ROCK2: variants seen among roughly 807,000 people sequenced by gnomAD.
ROCK2 encodes Rho associated coiled-coil containing protein kinase 2, also known as rho-associated protein kinase 2.
In ROCK2, 61 loss-of-function variants were observed where a neutral mutation model predicts 195.1. That is an observed-to-expected ratio of 0.31 (90% CI 0.25 to 0.39). ROCK2 has a LOEUF of 0.39. Ranked by LOEUF, ROCK2 falls within the 10% of genes least tolerant of loss-of-function variation. The probability of loss-of-function intolerance (pLI) is 1.00; values close to 1 mark genes in which losing one functional copy is unlikely to be tolerated. For synonymous variants in ROCK2, 504 were observed against 545.5 expected (o/e 0.92, Z 1.06); for missense variants, 1,109 against 1,637.4 (o/e 0.68, Z 5.57).
At position 11,201,989 on chromosome 2, in the gene ROCK2, T is replaced by A; in HGVS notation, c.2619+63A>T. The A allele has an allele frequency of 8.3e-7, 1 of 1,211,942 alleles. No homozygotes were observed. The highest frequency in any genetic ancestry group is 1.2e-6 in the Non-Finnish European group (1 of 814,852). 75.1% of individuals were successfully genotyped at this position (1,211,942 alleles called of 1,614,324 possible). A position where few individuals can be genotyped will look rare whatever the true frequency, so the allele number is the denominator to read the frequency against. ...CTCTTTTTATATGAGTTGTATGGTATAAATAAAATATCCCAACCAAAACTC... is the reference window on the plus strand; with the variant it reads ...CTCTTTTTATATGAGTTGTATGGTAAAAATAAAATATCCCAACCAAAACTC... On this transcript the variant is annotated intron_variant, in intron 21 of 32. Coordinates refer to ENST00000315872, the MANE Select transcript of ROCK2 (RefSeq NM_004850.5). This position sits in a 1 kb window ranked among gnomAD's most constrained non-coding sequence, Gnocchi z 4.6.
In ROCK2 at chr2:11,186,674, T is replaced by TC. The variant is rs139358132; in HGVS notation, c.4164-3235dup. On this transcript the variant is annotated intron_variant, in intron 32 of 32. Coordinates refer to ENST00000315872, the MANE Select transcript of ROCK2 (RefSeq NM_004850.5). ...TTTTCAGTTGGGTTCAGACTTTCTC[T>TC]CTAGTGTCACATCATCTTTTACCAC... Among the ~76,000 whole-genome samples the TC allele has an allele frequency of 8.9e-3, 1,358 of 152,272 alleles. 16 individuals carry two copies. The highest frequency in any genetic ancestry group is 0.031 in the African/African-American group (1,282 of 41,546).
chr2:11,217,219 A>AAAAC, intron 11 of ROCK2, 50 bp from the exon 12 acceptor site: 1 of 890,740 alleles, frequency 1.1e-6, no homozygotes, highest in South Asian at 1.4e-5. Context: ...ATATTTAAAG[A>AAAAC]TGAGAGGCTT....
chr2:11,232,219 C>G (rs757993263), intron 5 of ROCK2, among the ~76,000 whole-genome samples: 3 of 152,030 alleles, frequency 2.0e-5, no homozygotes, highest in Non-Finnish European at 2.9e-5. Context: ...ACTTCCACCC[C>G]CTGGGTTCAA....
chr2:11,271,546 G>A (rs567879658), intron 3 of ROCK2, among the ~76,000 whole-genome samples: 4 of 152,272 alleles, frequency 2.6e-5, no homozygotes, highest in Admixed American at 6.5e-5. Context: ...TTTGGATCCC[G>A]GAAGCACTGT....
At chr2:11,331,042 G>GGA (rs1553320148) in intron 1 of ROCK2, among the ~76,000 whole-genome samples, 2 of 130,418 alleles carry the variant, frequency 1.5e-5, no homozygotes, top group East Asian at 2.6e-4. Context: ...GGGAGGAGGA[G>GGA]GGAGGAGGAG....
chr2:11,254,251 T>C (rs1193309135), intron 3 of ROCK2, among the ~76,000 whole-genome samples: 1 of 152,150 alleles, frequency 6.6e-6, no homozygotes, highest in East Asian at 1.9e-4. Flanking sequence ...AAGACTGTAA[T>C]TCCTGAGAGA....
chr2:11,279,729 A>G (rs538996406), intron 3 of ROCK2, among the ~76,000 whole-genome samples: 1 of 152,312 alleles, frequency 6.6e-6, no homozygotes, highest in East Asian at 1.9e-4. Context: ...AGCAGAATAC[A>G]CATTTTTCTC....
chr2:11,330,721 G>T, intron 1 of ROCK2, among the ~76,000 whole-genome samples: 1 of 137,392 alleles, frequency 7.3e-6, no homozygotes, highest in Non-Finnish European at 1.6e-5. Flanking sequence ...GGAAGACAAG[G>T]GAGGAGGGAA....
At chr2:11,292,981 G>C (rs1009321077) in intron 1 of ROCK2, among the ~76,000 whole-genome samples, 1 of 152,124 alleles carries the variant, frequency 6.6e-6, no homozygotes, top group Non-Finnish European at 1.5e-5. Flanking sequence ...AGATATGCCT[G>C]CTTCCCTTTG....
intron 3 of ROCK2, among the ~76,000 whole-genome samples, chr2:11,276,969 AAT>A (rs1372386113): frequency 6.6e-6 from 1 of 152,124 alleles, no homozygotes; most frequent in African/African-American, 2.4e-5. Context: ...TGTTTTTATT[AAT>A]AGACTTTATT....
intron 1 of ROCK2, among the ~76,000 whole-genome samples, chr2:11,293,659 GT>G (rs1345746956): frequency 1.3e-5 from 2 of 152,064 alleles, no homozygotes; most frequent in African/African-American, 4.8e-5. Context: ...AAAATTTTGA[GT>G]TTGATATTCT....
intron 4 of ROCK2, among the ~76,000 whole-genome samples, chr2:11,247,976 C>T (rs1271865315): frequency 6.6e-6 from 1 of 151,678 alleles, no homozygotes; most frequent in Non-Finnish European, 1.5e-5. Flanking sequence ...GAGCGAAGAT[C>T]ACGCCACTGA....
At chr2:11,234,215 A>G (rs764622322) in intron 5 of ROCK2, 1 of 152,134 alleles carries the variant, frequency 6.6e-6, no homozygotes, top group Non-Finnish European at 1.5e-5. Context: ...TGCTTATACA[A>G]TTATTCTGTA....
chr2:11,210,132 T>C (rs1664196605), intron 18 of ROCK2, among the ~76,000 whole-genome samples: 1 of 152,212 alleles, frequency 6.6e-6, no homozygotes, highest in African/African-American at 2.4e-5. Context: ...GTGTAAAATA[T>C]GGAAGTCATC....
intron 3 of ROCK2, among the ~76,000 whole-genome samples, chr2:11,281,915 A>G (rs1041458475): frequency 6.6e-6 from 1 of 152,196 alleles, no homozygotes; most frequent in African/African-American, 2.4e-5. Context: ...TTGTCAAGAT[A>G]CCGGTTCTTC....
At chr2:11,184,878 T>C (rs1663134626) in intron 32 of ROCK2, 2 of 498,604 alleles carry the variant, frequency 4.0e-6, no homozygotes, top group African/African-American at 4.2e-5. Context: ...ATTTTAATTT[T>C]CCCTTCATGG....
At chr2:11,314,675 A>G (rs1223611705) in intron 1 of ROCK2, among the ~76,000 whole-genome samples, 1 of 152,026 alleles carries the variant, frequency 6.6e-6, no homozygotes, top group Non-Finnish European at 1.5e-5. Context: ...CTCAGCACCC[A>G]TGATTCACTG....
intron 7 of ROCK2, 108 bp downstream of exon 7, chr2:11,224,214 G>A: frequency 9.6e-7 from 1 of 1,040,446 alleles, no homozygotes; most frequent in Non-Finnish European, 1.4e-6. Flanking sequence ...GATGCTACTT[G>A]GGTAATGAGA....
Position 11,192,414 on chromosome 2 carries a change from TAACC to T in ROCK2, c.3949+33_3949+36del, listed in dbSNP as rs1200924005. 6.2e-7 allele frequency: 1 copy of T among 1,611,386 alleles called. No homozygotes were observed. The highest frequency in any genetic ancestry group is 8.5e-7 in the Non-Finnish European group (1 of 1,178,592). On this transcript the variant is annotated intron_variant, in intron 31 of 32. Coordinates refer to ENST00000315872, the MANE Select transcript of ROCK2 (RefSeq NM_004850.5). The surrounding 1 kb of genome is among the most constrained non-coding windows in gnomAD (Gnocchi z 5.0). ...TAATGTGCTTAAAATGATCTGAACATAACCAATATCGATGGAGCAAGTAATTTAT... is the reference window on the plus strand; with the variant it reads ...TAATGTGCTTAAAATGATCTGAACATAATATCGATGGAGCAAGTAATTTAT...
Sources: allele counts gnomAD v4.1 joint callset (sites outside exome capture counted in the v4.1 genomes callset), GRCh38; gene constraint gnomAD v4.1.1; non-coding constraint Gnocchi (gnomAD v3.1); transcripts MANE v1.5; gene names NCBI Gene and HGNC (gene_info 2026-07-23, HGNC 2026-07-21).